GPATCH2: variants seen among roughly 807,000 people sequenced by gnomAD.
The protein encoded by GPATCH2 is G patch domain-containing protein 2.
Under a neutral mutation model 58.0 loss-of-function variants are expected in GPATCH2, and 51 were observed. The ratio of observed to expected loss-of-function variants is 0.88; its 90% CI spans 0.70 to 1.11. The LOEUF (loss-of-function observed/expected upper bound fraction) is 1.11. Among genes scored for constraint, GPATCH2 ranks in the 50% most tolerant of loss-of-function variants. The pLI is 0.00. For synonymous variants in GPATCH2, 222 were observed against 218.5 expected (o/e 1.02, Z -0.14); for missense variants, 625 against 652.2 (o/e 0.96, Z 0.45).
intron 5 of GPATCH2, among the ~76,000 whole-genome samples, chr1:217,584,344 A>AATATATAT (rs71556690): frequency 2.0e-3 from 204 of 100,962 alleles, no homozygotes; most frequent in South Asian, 7.0e-3. Context: ...AAAAAAAAAA[A>AATATATAT]ATATATATAT....
chr1:217,564,820 A>C (rs1223689873), intron 5 of GPATCH2, among the ~76,000 whole-genome samples: 3 of 152,368 alleles, frequency 2.0e-5, no homozygotes, highest in Non-Finnish European at 4.4e-5. Flanking sequence ...TCCATAATGC[A>C]TACTTTAGGA....
chr1:217,582,260 C>G (rs921646212), intron 5 of GPATCH2, among the ~76,000 whole-genome samples: 37 of 152,102 alleles, frequency 2.4e-4, no homozygotes, highest in African/African-American at 8.0e-4. Flanking sequence ...GTTACTTGTA[C>G]AATCCTTGTT....
At chr1:217,556,556 A>G (rs1257604192) in intron 5 of GPATCH2, among the ~76,000 whole-genome samples, 1 of 152,184 alleles carries the variant, frequency 6.6e-6, no homozygotes, top group Non-Finnish European at 1.5e-5. Context: ...CATTTTTACT[A>G]TTAATATAGT....
chr1:217,454,129 T>A (rs1659806371), intron 8 of GPATCH2, among the ~76,000 whole-genome samples: 1 of 152,114 alleles, frequency 6.6e-6, no homozygotes, highest in Non-Finnish European at 1.5e-5. Flanking sequence ...AGATCCAAAT[T>A]ACCCTCCCCG....
chr1:217,501,448 G>A (rs1662300018), intron 6 of GPATCH2, among the ~76,000 whole-genome samples: 1 of 152,044 alleles, frequency 6.6e-6, no homozygotes, highest in Non-Finnish European at 1.5e-5. Flanking sequence ...TTACTTCGGT[G>A]GGATCAATGA....
At chr1:217,600,899 A>T (rs890670432) in intron 5 of GPATCH2, among the ~76,000 whole-genome samples, 1 of 152,102 alleles carries the variant, frequency 6.6e-6, no homozygotes, top group Non-Finnish European at 1.5e-5. Context: ...AAAACCTTAC[A>T]TTTGCAAATT....
intron 2 of GPATCH2, among the ~76,000 whole-genome samples, chr1:217,614,907 T>C (rs1668812970): frequency 6.6e-6 from 1 of 151,968 alleles, no homozygotes; most frequent in South Asian, 2.1e-4. Context: ...AAACAAACTG[T>C]TACTATTCTA....
chr1:217,562,982 T>A (rs1051934374), intron 5 of GPATCH2, among the ~76,000 whole-genome samples: 1 of 150,598 alleles, frequency 6.6e-6, no homozygotes, highest in African/African-American at 2.4e-5. Flanking sequence ...TTGTTATTGC[T>A]ATTGTTAATG....
chr1:217,581,061 C>CCACGA (rs1667059351), intron 5 of GPATCH2, among the ~76,000 whole-genome samples: 1 of 151,978 alleles, frequency 6.6e-6, no homozygotes, highest in Non-Finnish European at 1.5e-5. Context: ...CAAGTTCCTC[C>CCACGA]CACGACTTAT....
chr1:217,550,165 C>G (rs1389577912), intron 5 of GPATCH2, among the ~76,000 whole-genome samples: 3 of 152,048 alleles, frequency 2.0e-5, no homozygotes, highest in Admixed American at 1.3e-4. Flanking sequence ...AAGGGTTCAC[C>G]ACTTGTTAGC....
chr1:217,467,223 C>G (rs746977026), intron 8 of GPATCH2, among the ~76,000 whole-genome samples: 2 of 152,088 alleles, frequency 1.3e-5, no homozygotes, highest in Non-Finnish European at 2.9e-5. Flanking sequence ...ATGGAGGGAA[C>G]CAGGTAGAAG....
chr1:217,436,903 T>C (rs1395860531), intron 9 of GPATCH2, among the ~76,000 whole-genome samples: 3 of 152,182 alleles, frequency 2.0e-5, no homozygotes, highest in Non-Finnish European at 4.4e-5. Context: ...TGCAATATTA[T>C]ATCATCAACA....
intron 3 of GPATCH2, among the ~76,000 whole-genome samples, chr1:217,612,315 G>A (rs1668674598): frequency 1.3e-5 from 2 of 152,140 alleles, no homozygotes; most frequent in African/African-American, 4.8e-5. Context: ...TAAGAGGGTC[G>A]TTGTAATTGT....
At position 217,498,385 on chromosome 1, in the gene GPATCH2, T is replaced by G. The variant is rs1250237384; in HGVS notation, c.1177A>C (p.Ser393Arg). The change falls in exon 7 of 10, where the codon AGC (serine) becomes CGC (arginine). Residue 393 changes from serine to arginine, a missense_variant. Transcript: ENST00000366935. ...TCATGCTCTGTCCTAGCCCCAGGGC[T>G]AAACCAATGGCTGCAGAGGAAAGAA... ...PDSHHHDHWFSPGARTEHDQH... is the reference protein window; with the variant it reads ...PDSHHHDHWFRPGARTEHDQH... The G allele has an allele frequency of 6.2e-7, 1 of 1,612,860 alleles. No individual in the cohort carries two copies. Among genetic ancestry groups the G allele is most frequent in the Non-Finnish European group, 8.5e-7 (1 of 1,178,960 alleles).
intron 5 of GPATCH2, among the ~76,000 whole-genome samples, chr1:217,544,475 A>G (rs1483029962): frequency 2.0e-5 from 3 of 152,208 alleles, no homozygotes; most frequent in African/African-American, 7.2e-5. Flanking sequence ...TCTTTTAAAA[A>G]AAAAGTTTAA....
At chr1:217,542,640 G>A (rs1001108603) in intron 5 of GPATCH2, among the ~76,000 whole-genome samples, 1 of 152,146 alleles carries the variant, frequency 6.6e-6, no homozygotes, top group Non-Finnish European at 1.5e-5. Flanking sequence ...TAAGCCTGTG[G>A]ATTCAACATT....
At chr1:217,549,726 GT>G (rs1665256564) in intron 5 of GPATCH2, among the ~76,000 whole-genome samples, 1 of 152,134 alleles carries the variant, frequency 6.6e-6, no homozygotes, top group Non-Finnish European at 1.5e-5. Context: ...GACCAATTTA[GT>G]TAAATGAATG....
rs191194003 is a variant in GPATCH2 at position 217,577,700 on chromosome 1, G to T, written c.1098+32621C>A. 2.9e-3 allele frequency among the ~76,000 whole-genome samples: 443 copies of T among 152,146 alleles called. 4 individuals carry two copies. Among genetic ancestry groups the T allele is most frequent in the African/African-American group, 0.01 (424 of 41,514 alleles). On this transcript the variant is annotated intron_variant, in intron 5 of 9. Coordinates refer to ENST00000366935, the MANE Select transcript of GPATCH2 (RefSeq NM_018040.5). Reference sequence around the variant, plus strand: ...ACCCATAAAAGTATTGGTTATCAATGCCAAAGTTCAAAGTATCATATAAAA... The same window carrying T: ...ACCCATAAAAGTATTGGTTATCAATTCCAAAGTTCAAAGTATCATATAAAA...
chr1:217,585,751 A>T (rs1313336431), intron 5 of GPATCH2, among the ~76,000 whole-genome samples: 2 of 152,244 alleles, frequency 1.3e-5, no homozygotes, highest in Non-Finnish European at 2.9e-5. Flanking sequence ...GCATTGCTTA[A>T]CACCAGGGAT....
Sources: allele counts gnomAD v4.1 joint callset (sites outside exome capture counted in the v4.1 genomes callset), GRCh38; gene constraint gnomAD v4.1.1; transcripts MANE v1.5; gene names NCBI Gene and HGNC (gene_info 2026-07-23, HGNC 2026-07-21).